Variants in ITPR1 observed in about 807,000 individuals in gnomAD.
The protein encoded by ITPR1 is inositol 1,4,5-trisphosphate receptor type 1.
Under a neutral mutation model 318.4 loss-of-function variants are expected in ITPR1, and 96 were observed. The observed-to-expected ratio is 0.30, with a 90% confidence interval of 0.26 to 0.36. ITPR1 has a LOEUF of 0.36. Among genes scored for constraint, ITPR1 ranks in the 10% least tolerant of loss-of-function variants. The pLI is 1.00. For synonymous variants in ITPR1, 1,312 were observed against 1,289.9 expected (o/e 1.02, Z -0.37); for missense variants, 2,440 against 3,460.2 (o/e 0.71, Z 7.40).
chr3:4,520,493 A>G (rs2082476523), intron 3 of ITPR1, among the ~76,000 whole-genome samples: 1 of 152,132 alleles, frequency 6.6e-6, no homozygotes, highest in African/African-American at 2.4e-5. Context: ...CAGTAGTTCC[A>G]TTAGAACTTC....
intron 36 of ITPR1, among the ~76,000 whole-genome samples, chr3:4,704,910 C>T (rs540398280): frequency 3.9e-5 from 6 of 152,050 alleles, no homozygotes; most frequent in Admixed American, 3.9e-4. Flanking sequence ...GACGGGTGTA[C>T]CCTGTGCATC....
chr3:4,670,955 T>A (rs762143667), intron 20 of ITPR1, 29 bp downstream of exon 20: 1 of 1,473,250 alleles, frequency 6.8e-7, no homozygotes, highest in Non-Finnish European at 9.0e-7. Flanking sequence ...GGGCTCAGAT[T>A]GGGGTGCCCC....
intron 44 of ITPR1, among the ~76,000 whole-genome samples, chr3:4,761,212 T>TGGG (rs915725632): frequency 6.6e-6 from 1 of 152,138 alleles, no homozygotes; most frequent in African/African-American, 2.4e-5. Context: ...TGCTGAGGTT[T>TGGG]GGGGGGGTTC....
At chr3:4,541,940 T>C (rs1326719552) in intron 4 of ITPR1, among the ~76,000 whole-genome samples, 2 of 152,220 alleles carry the variant, frequency 1.3e-5, no homozygotes, top group East Asian at 1.9e-4. Flanking sequence ...GGCTATTTTT[T>C]AATCTCGCCA....
intron 37 of ITPR1, among the ~76,000 whole-genome samples, chr3:4,707,955 T>C (rs914714096): frequency 1.3e-5 from 2 of 151,980 alleles, no homozygotes; most frequent in South Asian, 4.1e-4. Flanking sequence ...ATCTCAAGTA[T>C]CAGAAGGGAG....
At chr3:4,797,830 G>A (rs879915911) in intron 53 of ITPR1, among the ~76,000 whole-genome samples, 1 of 152,104 alleles carries the variant, frequency 6.6e-6, no homozygotes, top group Non-Finnish European at 1.5e-5. Flanking sequence ...AGACATCTTG[G>A]ATTTTTTGTC....
At chr3:4,694,584 T>C (rs9311394) in intron 33 of ITPR1, among the ~76,000 whole-genome samples, 76,833 of 151,964 alleles carry the variant, frequency 0.51, 20,171 homozygotes, top group Non-Finnish European at 0.56. Context: ...ATGGCACAGC[T>C]TGCTACACAC....
Position 4,681,416 on chromosome 3 carries a change from A to G in ITPR1, c.3159A>G (p.Gly1053=). 6.2e-7 allele frequency: 1 copy of G among 1,609,218 alleles called. No individual in the cohort carries two copies. The highest frequency in any genetic ancestry group is 8.5e-7 in the Non-Finnish European group (1 of 1,175,812). Residue 1053 remains glycine, a splice_region_variant and synonymous_variant, in exon 26 of 62, where the codon GGA becomes GGG. Coordinates refer to ENST00000649015, the MANE Select transcript of ITPR1 (RefSeq NM_001378452.1). ...IEEQAEGIFG[G]SEENTPLDLD... ...AACAAGCAGAAGGCATCTTTGGAGG[A>G]AGGAAAGTATATTTTCAGTTACTGT...
chr3:4,580,314 G>T (rs907337790), intron 4 of ITPR1, among the ~76,000 whole-genome samples: 1 of 152,188 alleles, frequency 6.6e-6, no homozygotes, highest in Non-Finnish European at 1.5e-5. Context: ...GAGGAGGAAG[G>T]TTAAGTTTTA....
At chr3:4,543,381 G>C (rs1000740723) in intron 4 of ITPR1, among the ~76,000 whole-genome samples, 2 of 152,158 alleles carry the variant, frequency 1.3e-5, no homozygotes, top group African/African-American at 2.4e-5. Flanking sequence ...TGGATTACCT[G>C]TGTTAACATG....
intron 4 of ITPR1, among the ~76,000 whole-genome samples, chr3:4,581,851 G>A (rs1204262825): frequency 6.6e-6 from 1 of 152,106 alleles, no homozygotes; most frequent in Non-Finnish European, 1.5e-5. Flanking sequence ...CACACAAACT[G>A]TTAAAATAAT....
At chr3:4,580,762 T>A (rs2089250167) in intron 4 of ITPR1, among the ~76,000 whole-genome samples, 1 of 150,876 alleles carries the variant, frequency 6.6e-6, no homozygotes, top group African/African-American at 2.5e-5. Context: ...GTACTGAGCA[T>A]GCCTAGTCCT....
At chr3:4,504,516 T>C (rs1575333102) in intron 2 of ITPR1, among the ~76,000 whole-genome samples, 1 of 152,260 alleles carries the variant, frequency 6.6e-6, no homozygotes, top group East Asian at 1.9e-4. Flanking sequence ...AGAGAATAAA[T>C]TATCTGATGA....
At chr3:4,619,058 T>C (rs2092495108) in intron 4 of ITPR1, among the ~76,000 whole-genome samples, 1 of 152,234 alleles carries the variant, frequency 6.6e-6, no homozygotes, top group Admixed American at 6.5e-5. Context: ...GATTGAGAAT[T>C]CTTTTTAGTC....
chr3:4,814,423 A>G lies in ITPR1; in HGVS notation c.7562A>G (p.Glu2521Gly). Reference protein sequence around the residue: ...ENCSSPAPREELVPAEETEQD... With the variant: ...ENCSSPAPREGLVPAEETEQD... Reference sequence around the variant, plus strand: ...CTGTTGTTACTTGCCGTGTTCACAGAGCTGGTCCCTGCAGAAGAGACGGAA... The same window carrying G: ...CTGTTGTTACTTGCCGTGTTCACAGGGCTGGTCCCTGCAGAAGAGACGGAA... The change falls in exon 58 of 62, where the codon GAG becomes GGG. Residue 2521 changes from glutamate to glycine, a missense_variant and splice_region_variant. By Grantham distance (98) the Glu-to-Gly change is moderately conservative. Coordinates refer to ENST00000649015, the MANE Select transcript of ITPR1 (RefSeq NM_001378452.1). The G allele has an allele frequency of 6.2e-7, 1 of 1,613,854 alleles. No homozygotes were observed. Among genetic ancestry groups the G allele is most frequent in the Non-Finnish European group, 8.5e-7 (1 of 1,179,856 alleles).
chr3:4,514,802 C>G (rs1037153434), intron 2 of ITPR1, among the ~76,000 whole-genome samples: 1 of 152,154 alleles, frequency 6.6e-6, no homozygotes, highest in African/African-American at 2.4e-5. Flanking sequence ...ATAATATAAG[C>G]GCAGAAGGGA....
At chr3:4,831,575 C>A (rs1003532815) in intron 60 of ITPR1, among the ~76,000 whole-genome samples, 4 of 152,070 alleles carry the variant, frequency 2.6e-5, no homozygotes. Flanking sequence ...ACCGCATATA[C>A]ACACACACAC....
intron 31 of ITPR1, 22 bp downstream of exon 31, chr3:4,688,642 C>G (rs1392373210): frequency 6.2e-7 from 1 of 1,608,010 alleles, no homozygotes; most frequent in Non-Finnish European, 8.5e-7. Flanking sequence ...GGCCAATCTG[C>G]AAATCTATAG....
chr3:4,524,672 T>C (rs2082837454), intron 4 of ITPR1, among the ~76,000 whole-genome samples: 2 of 152,332 alleles, frequency 1.3e-5, no homozygotes, highest in South Asian at 4.1e-4. Context: ...CTTAAGTAAA[T>C]GGAAATCCAA....
Sources: gnomAD v4.1 joint callset for allele counts (sites outside exome capture counted in the v4.1 genomes callset) on GRCh38, gnomAD v4.1.1 for gene constraint, MANE v1.5 for transcripts, NCBI Gene and HGNC (gene_info 2026-07-23, HGNC 2026-07-21) for gene names.